Variants in SYBU observed in about 807,000 individuals in gnomAD.
SYBU encodes the protein GOLSYN A protein.
In SYBU, 21 loss-of-function variants were observed where a neutral mutation model predicts 35.9. That is an observed-to-expected ratio of 0.58 (90% CI 0.41 to 0.84). SYBU has a LOEUF of 0.84. Among genes scored for constraint, SYBU ranks in the 40% least tolerant of loss-of-function variants. The probability of loss-of-function intolerance (pLI) is 0.00; values close to 1 mark genes in which losing one functional copy is unlikely to be tolerated. For missense variants in SYBU, 768 were observed against 848.2 expected, an observed-to-expected ratio of 0.91 and a Z score of 1.17; for synonymous variants, 319 against 324.3, an observed-to-expected ratio of 0.98 and a Z score of 0.18.
rs571940014 is a variant in SYBU at position 109,592,201 on chromosome 8, T to C, written c.428-6039A>G. ...ATCTATCCCTTAAAAAGACCTATAA[T>C]AGGAAATGCTTTTTTCTACTCATAC... On this transcript the variant is annotated intron_variant, in intron 3 of 6. Transcript: ENST00000276646. 3.3e-5 allele frequency among the ~76,000 whole-genome samples: 5 copies of C among 152,288 alleles called. No individual in the cohort carries two copies. The South Asian group carries it at 1.0e-3, about 32-fold the overall frequency.
At chr8:109,578,345 C>A (rs902624470) in intron 5 of SYBU, among the ~76,000 whole-genome samples, 3 of 152,146 alleles carry the variant, frequency 2.0e-5, no homozygotes, top group Admixed American at 6.5e-5. Flanking sequence ...CTTGCTGGCA[C>A]CCTGATCTCA....
intron 1 of SYBU, among the ~76,000 whole-genome samples, chr8:109,650,973 G>C (rs1248223474): frequency 6.6e-6 from 1 of 152,138 alleles, no homozygotes; most frequent in Non-Finnish European, 1.5e-5. Context: ...ATCAAAACCA[G>C]CATGTTAAAA....
At chr8:109,616,299 C>T (rs1042639773) in intron 3 of SYBU, among the ~76,000 whole-genome samples, 21 of 152,086 alleles carry the variant, frequency 1.4e-4, no homozygotes, top group African/African-American at 4.1e-4. Context: ...CATGAGCCAC[C>T]ACGCCCGGCC....
At chr8:109,690,029 A>G (rs1022756752) in intron 1 of SYBU, among the ~76,000 whole-genome samples, 1 of 150,254 alleles carries the variant, frequency 6.7e-6, no homozygotes, top group Non-Finnish European at 1.5e-5. Flanking sequence ...TTCAATTATG[A>G]TATCACCTTA....
Position 109,584,924 on chromosome 8 carries a change from T to TC in SYBU, c.530+1135dup, listed in dbSNP as rs775326642. On this transcript the variant is annotated intron_variant, in intron 4 of 6. Coordinates refer to ENST00000276646, the MANE Select transcript of SYBU (RefSeq NM_001099754.2). This position sits in a 1 kb window ranked among gnomAD's most constrained non-coding sequence, Gnocchi z 4.0. ...TGACGTGACAAAGTCAGAAGCCAGG[T>TC]CCCCTCACGTTCTGTGGCTCCCTCC... Among the ~76,000 whole-genome samples the TC allele has an allele frequency of 6.6e-6, 1 of 152,082 alleles. No homozygotes were observed. Among genetic ancestry groups the TC allele is most frequent in the Non-Finnish European group, 1.5e-5 (1 of 68,012 alleles).
chr8:109,690,333 C>T (rs965628621), intron 1 of SYBU, among the ~76,000 whole-genome samples: 1 of 152,208 alleles, frequency 6.6e-6, no homozygotes, highest in Non-Finnish European at 1.5e-5. Flanking sequence ...GCCCCAAGGG[C>T]GCCCTATGGG....
chr8:109,580,189 T>C (rs1586727710), intron 4 of SYBU, 187 bp from the exon 5 acceptor site: 1 of 587,076 alleles, frequency 1.7e-6, no homozygotes, highest in Non-Finnish European at 3.0e-6. Flanking sequence ...CCTTGTGACA[T>C]CAGCACAAGC....
intron 2 of SYBU, among the ~76,000 whole-genome samples, chr8:109,627,220 A>T (rs1265867783): frequency 6.6e-6 from 1 of 152,230 alleles, no homozygotes; most frequent in Non-Finnish European, 1.5e-5. Flanking sequence ...GTTGATTCTC[A>T]TGAACAATGG....
Position 109,691,296 on chromosome 8 carries a change from A to C in SYBU, c.-58+37T>G. 1 of 698,722 alleles carries C rather than the reference A, an allele frequency of 1.4e-6. No homozygotes were observed. Among genetic ancestry groups the C allele is most frequent in the South Asian group, 1.5e-5 (1 of 67,008 alleles). 43.3% of individuals were successfully genotyped at this position (698,722 alleles called of 1,614,324 possible). A position where few individuals can be genotyped will look rare whatever the true frequency, so the allele number is the denominator to read the frequency against. On this transcript the variant is annotated intron_variant, in intron 1 of 7. Transcript: ENST00000422135. This position sits in a 1 kb window ranked among gnomAD's most constrained non-coding sequence, Gnocchi z 4.7. ...CAGTTGCCCTCCCGTGTCCGCGGGC[A>C]CTGACAGCAGAGACCGCATAGGCGC...
At position 109,586,052 on chromosome 8, in the gene SYBU, G is replaced by A; in HGVS notation, c.530+8C>T. 1 of 1,601,148 alleles carries A rather than the reference G, an allele frequency of 6.2e-7. No homozygotes were observed. The highest frequency in any genetic ancestry group is 8.5e-7 in the Non-Finnish European group (1 of 1,172,938). On this transcript the variant is annotated splice_region_variant and intron_variant, in intron 4 of 6. Coordinates refer to ENST00000276646, the MANE Select transcript of SYBU (RefSeq NM_001099754.2). ...CGTCTTAATTACAGAGCAGGAGATG[G>A]TGCCTACTTGCGTGAAGAAGAAGAC...
At chr8:109,618,775 A>T in intron 3 of SYBU, 67 bp downstream of exon 3, 1 of 1,414,708 alleles carries the variant, frequency 7.1e-7, no homozygotes, top group Non-Finnish European at 1.0e-6. Flanking sequence ...ACAGGTGTTT[A>T]GTTTTAAACA....
intron 6 of SYBU, among the ~76,000 whole-genome samples, chr8:109,577,126 T>TTAGCAAAGAAAACCA (rs1822417742): frequency 6.6e-6 from 1 of 152,098 alleles, no homozygotes; most frequent in Non-Finnish European, 1.5e-5. Context: ...GCAACCAAGG[T>TTAGCAAAGAAAACCA]ATTGAGTTTT....
intron 4 of SYBU, among the ~76,000 whole-genome samples, chr8:109,581,320 G>A (rs1823004500): frequency 6.6e-6 from 1 of 152,100 alleles, no homozygotes; most frequent in African/African-American, 2.4e-5. Flanking sequence ...CACTTAACAT[G>A]GGGATCAAAA....
At chr8:109,663,428 C>G (rs1249767490) in intron 1 of SYBU, among the ~76,000 whole-genome samples, 1 of 152,092 alleles carries the variant, frequency 6.6e-6, no homozygotes, top group Non-Finnish European at 1.5e-5. Context: ...TAATATCTTT[C>G]ACTTTTATCT....
At chr8:109,631,203 AGAAG>A (rs922002976) in intron 2 of SYBU, among the ~76,000 whole-genome samples, 1 of 152,176 alleles carries the variant, frequency 6.6e-6, no homozygotes, top group African/African-American at 2.4e-5. Flanking sequence ...GTAGTTGTAA[AGAAG>A]GAAGGGAGCT....
At chr8:109,656,661 A>G (rs1455448455) in intron 1 of SYBU, among the ~76,000 whole-genome samples, 2 of 152,168 alleles carry the variant, frequency 1.3e-5, no homozygotes, top group Non-Finnish European at 2.9e-5. Flanking sequence ...CTTTTTATAC[A>G]TAAGTGATGT....
intron 1 of SYBU, among the ~76,000 whole-genome samples, chr8:109,669,468 CAT>C (rs1414301354): frequency 4.1e-5 from 6 of 146,154 alleles, no homozygotes; most frequent in Non-Finnish European, 1.5e-5. Context: ...TAATATAAAA[CAT>C]ATCAACGTGT....
At chr8:109,611,696 A>C (rs934050539) in intron 3 of SYBU, among the ~76,000 whole-genome samples, 2 of 152,246 alleles carry the variant, frequency 1.3e-5, no homozygotes, top group African/African-American at 4.8e-5. Context: ...GTAGCACATA[A>C]GACATTTTGA....
chr8:109,644,615 G>A (rs1236804604), intron 1 of SYBU, 21 bp downstream of exon 1: 2 of 1,544,184 alleles, frequency 1.3e-6, no homozygotes, highest in African/African-American at 1.4e-5. Flanking sequence ...TCCAGTGCCC[G>A]CACTGCCCCG....
Sources: gnomAD v4.1 joint callset for allele counts (sites outside exome capture counted in the v4.1 genomes callset) on GRCh38, gnomAD v4.1.1 for gene constraint, Gnocchi (gnomAD v3.1) non-coding constraint, MANE v1.5 for transcripts, NCBI Gene and HGNC (gene_info 2026-07-23, HGNC 2026-07-21) for gene names.